Variants in PTPRD observed in about 807,000 individuals in gnomAD.
PTPRD encodes the protein protein tyrosine phosphatase receptor type D.
Under a neutral mutation model 214.5 loss-of-function variants are expected in PTPRD, and 34 were observed. The ratio of observed to expected loss-of-function variants is 0.16; its 90% confidence interval spans 0.12 to 0.21. PTPRD has a LOEUF of 0.21. Among genes scored for constraint, PTPRD ranks in the 10% least tolerant of loss-of-function variants. The pLI, the probability that PTPRD is intolerant of heterozygous loss-of-function variation, is 1.00. For missense variants in PTPRD, 2,545 were observed against 2,398.7 expected, an observed-to-expected ratio of 1.06 and a Z score of -1.27; for synonymous variants, 1,128 against 845.7, an observed-to-expected ratio of 1.33 and a Z score of -5.79.
chr9:8,691,628 A>G (rs2097803258), intron 12 of PTPRD, among the ~76,000 whole-genome samples: 1 of 152,182 alleles, frequency 6.6e-6, no homozygotes, highest in South Asian at 2.1e-4. Flanking sequence ...TATTGGTACA[A>G]ACAGCATTCT....
chr9:9,893,825 T>A (rs2074151422), intron 5 of PTPRD, among the ~76,000 whole-genome samples: 1 of 151,966 alleles, frequency 6.6e-6, no homozygotes, highest in Admixed American at 6.6e-5. Context: ...CTTTTATGTT[T>A]TGAGTTTTTT....
intron 11 of PTPRD, among the ~76,000 whole-genome samples, chr9:8,918,178 A>C (rs2098800034): frequency 6.6e-6 from 1 of 152,100 alleles, no homozygotes; most frequent in African/African-American, 2.4e-5. Context: ...GCTCAATCAC[A>C]CTGCATTAAG....
intron 8 of PTPRD, among the ~76,000 whole-genome samples, chr9:9,523,922 G>A (rs893485856): frequency 6.6e-6 from 1 of 152,052 alleles, no homozygotes; most frequent in Non-Finnish European, 1.5e-5. Context: ...GCTTCCGACG[G>A]GCTGACTTCA....
At chr9:9,495,036 C>A (rs2096106015) in intron 8 of PTPRD, among the ~76,000 whole-genome samples, 1 of 152,022 alleles carries the variant, frequency 6.6e-6, no homozygotes, top group African/African-American at 2.4e-5. Flanking sequence ...TGATTTTTGA[C>A]AAGAGCACCA....
intron 39 of PTPRD, among the ~76,000 whole-genome samples, chr9:8,366,590 A>G (rs145474337): frequency 3.9e-5 from 6 of 152,360 alleles, no homozygotes; most frequent in African/African-American, 7.2e-5. Flanking sequence ...ACCCTCAAAA[A>G]TCAAAGGGCA....
At chr9:8,692,830 T>A (rs965762430) in intron 12 of PTPRD, among the ~76,000 whole-genome samples, 4 of 152,210 alleles carry the variant, frequency 2.6e-5, no homozygotes, top group South Asian at 2.1e-4. Context: ...GTTTTTAACA[T>A]GTGTCAAGAG....
chr9:9,483,933 A>C (rs1055630444), intron 8 of PTPRD, among the ~76,000 whole-genome samples: 1 of 151,938 alleles, frequency 6.6e-6, no homozygotes, highest in African/African-American at 2.4e-5. Flanking sequence ...TATATTATAA[A>C]TGCTTTTCTA....
chr9:8,833,247 A>G (rs1318465467), intron 11 of PTPRD, among the ~76,000 whole-genome samples: 1 of 152,078 alleles, frequency 6.6e-6, no homozygotes, highest in Admixed American at 6.6e-5. Flanking sequence ...GTATTCTACT[A>G]CCCCTTAGTT....
intron 2 of PTPRD, among the ~76,000 whole-genome samples, chr9:10,345,888 A>T (rs2097069353): frequency 2.0e-5 from 3 of 152,176 alleles, no homozygotes; most frequent in Admixed American, 6.5e-5. Context: ...AACAGTGTAA[A>T]AGCATTCCTA....
intron 3 of PTPRD, among the ~76,000 whole-genome samples, chr9:10,339,683 G>A (rs890599289): frequency 5.3e-5 from 8 of 151,638 alleles, no homozygotes; most frequent in African/African-American, 1.9e-4. Context: ...AAACCCGGGT[G>A]ATTACAGCTA....
chr9:9,283,351 C>G (rs1260708373), intron 9 of PTPRD, among the ~76,000 whole-genome samples: 1 of 151,452 alleles, frequency 6.6e-6, no homozygotes, highest in Non-Finnish European at 1.5e-5. Flanking sequence ...GAAGTATATT[C>G]ATTGTATTAC....
At chr9:8,598,472 A>AAAT (rs1037059130) in intron 14 of PTPRD, among the ~76,000 whole-genome samples, 1 of 140,212 alleles carries the variant, frequency 7.1e-6, no homozygotes, top group African/African-American at 3.3e-5. Context: ...AAAATAAAAT[A>AAAT]AATAAATAAA....
chr9:9,794,246 G>T (rs1462191902), intron 5 of PTPRD, among the ~76,000 whole-genome samples: 1 of 151,104 alleles, frequency 6.6e-6, no homozygotes, highest in Non-Finnish European at 1.5e-5. Flanking sequence ...TATATATGGT[G>T]TTCCAAAAAG....
intron 3 of PTPRD, among the ~76,000 whole-genome samples, chr9:10,197,723 G>A (rs574823735): frequency 6.6e-6 from 1 of 152,084 alleles, no homozygotes; most frequent in African/African-American, 2.4e-5. Flanking sequence ...ATGCTGATAG[G>A]GGAAGGCTGA....
intron 10 of PTPRD, among the ~76,000 whole-genome samples, chr9:9,152,013 G>A (rs540633310): frequency 9.2e-5 from 14 of 152,286 alleles, no homozygotes; most frequent in African/African-American, 2.9e-4. Context: ...ATGAGTGAGA[G>A]TAACACAGAT....
intron 10 of PTPRD, among the ~76,000 whole-genome samples, chr9:9,154,450 C>T (rs2099879504): frequency 1.3e-5 from 2 of 152,050 alleles, no homozygotes; most frequent in South Asian, 2.1e-4. Context: ...TCTGTGTCTT[C>T]CCAAAACAGG....
rs140467203 is a variant in PTPRD, at chr9:10,289,881, T to C, written c.-545+51082A>G. Among the ~76,000 whole-genome samples the C allele has an allele frequency of 3.3e-3, 497 of 152,270 alleles. 3 individuals carry two copies. The highest frequency in any genetic ancestry group is 0.012 in the African/African-American group (481 of 41,562). ...GGTACAGATAGAATCTTAAGCAGTGTTCAGAGAAAAACAGATCCCTTATGT... is the reference window on the plus strand; with the variant it reads ...GGTACAGATAGAATCTTAAGCAGTGCTCAGAGAAAAACAGATCCCTTATGT... On this transcript the variant is annotated intron_variant, in intron 3 of 45. Coordinates refer to ENST00000381196, the MANE Select transcript of PTPRD (RefSeq NM_002839.4).
intron 3 of PTPRD, among the ~76,000 whole-genome samples, chr9:10,051,933 T>G (rs2097542750): frequency 6.6e-6 from 1 of 152,122 alleles, no homozygotes; most frequent in East Asian, 1.9e-4. Context: ...AATTAATTAT[T>G]TAGGCTCCTC....
At chr9:9,237,044 A>G (rs775454833) in intron 9 of PTPRD, among the ~76,000 whole-genome samples, 44 of 152,186 alleles carry the variant, frequency 2.9e-4, no homozygotes, top group Non-Finnish European at 3.5e-4. Flanking sequence ...GACTTTCTCT[A>G]CTAAGCTAAA....
Sources: allele counts gnomAD v4.1 joint callset (sites outside exome capture counted in the v4.1 genomes callset), GRCh38; gene constraint gnomAD v4.1.1; transcripts MANE v1.5; gene names NCBI Gene and HGNC (gene_info 2026-07-23, HGNC 2026-07-21).